Variants in SORCS3 observed in about 807,000 individuals in gnomAD.
The protein encoded by SORCS3 is VPS10 domain-containing receptor SorCS3.
SORCS3 carries 57 observed loss-of-function variants against 146.3 expected under a neutral mutation model. The observed-to-expected ratio is 0.39, with a 90% CI of 0.31 to 0.49. The LOEUF is 0.49. SORCS3 is among the 20% of genes least tolerant of loss of function. The probability of loss-of-function intolerance (pLI) is 0.92; values close to 1 mark genes in which losing one functional copy is unlikely to be tolerated. For synonymous variants in SORCS3, 653 were observed against 618.5 expected, an observed-to-expected ratio of 1.06 and a Z score of -0.83; for missense variants, 1,341 against 1,575.5, an observed-to-expected ratio of 0.85 and a Z score of 2.52.
chr10:104,739,732 T>G (rs953371483), intron 1 of SORCS3, among the ~76,000 whole-genome samples: 1 of 152,236 alleles, frequency 6.6e-6, no homozygotes, highest in African/African-American at 2.4e-5. Context: ...GTCACTGCTG[T>G]GCTTTTAGTG....
intron 3 of SORCS3, among the ~76,000 whole-genome samples, chr10:104,940,933 A>G (rs1340927430): frequency 6.6e-6 from 1 of 152,210 alleles, no homozygotes; most frequent in Admixed American, 6.5e-5. Context: ...TTGCCCAGTC[A>G]GTCCTAAGCC....
At chr10:105,048,291 C>G (rs2055387786) in intron 5 of SORCS3, among the ~76,000 whole-genome samples, 1 of 146,684 alleles carries the variant, frequency 6.8e-6, no homozygotes, top group African/African-American at 2.5e-5. Context: ...ACCCAAATGT[C>G]CAACAGGGAT....
intron 20 of SORCS3, among the ~76,000 whole-genome samples, chr10:105,237,597 T>C (rs1259943616): frequency 6.6e-6 from 1 of 152,130 alleles, no homozygotes; most frequent in Non-Finnish European, 1.5e-5. Context: ...ATGGCCATGG[T>C]CCCCAGTAGT....
intron 6 of SORCS3, among the ~76,000 whole-genome samples, chr10:105,096,962 A>G (rs1010488331): frequency 2.0e-5 from 3 of 152,230 alleles, no homozygotes; most frequent in Non-Finnish European, 4.4e-5. Flanking sequence ...TTTTCTATTT[A>G]CTTTTAAAAC....
intron 14 of SORCS3, among the ~76,000 whole-genome samples, chr10:105,189,905 C>A (rs2056505584): frequency 6.6e-6 from 1 of 152,220 alleles, no homozygotes; most frequent in South Asian, 2.1e-4. Flanking sequence ...CTACATAATT[C>A]TTCATGCAGT....
chr10:105,252,387 C>T (rs1263051128), intron 22 of SORCS3, among the ~76,000 whole-genome samples: 1 of 152,158 alleles, frequency 6.6e-6, no homozygotes, highest in African/African-American at 2.4e-5. Context: ...TGCATTTTCC[C>T]ATGTTGGTTT....
At chr10:105,194,149 G>A (rs1023434818) in intron 14 of SORCS3, among the ~76,000 whole-genome samples, 7 of 152,022 alleles carry the variant, frequency 4.6e-5, no homozygotes, top group Non-Finnish European at 7.4e-5. Flanking sequence ...CTGTTTCCAG[G>A]TGGTCATCTA....
At chr10:105,247,655 T>A (rs753558635) in intron 22 of SORCS3, among the ~76,000 whole-genome samples, 2 of 151,906 alleles carry the variant, frequency 1.3e-5, no homozygotes, top group Non-Finnish European at 2.9e-5. Flanking sequence ...GGCTGAGGCA[T>A]GAGAATTGCT....
At chr10:104,930,967 C>T (rs147273472) in intron 3 of SORCS3, among the ~76,000 whole-genome samples, 454 of 152,290 alleles carry the variant, frequency 3.0e-3, no homozygotes, top group Middle Eastern at 6.8e-3. Context: ...CTCTTGTCAT[C>T]ATTGTAATCT....
At chr10:105,214,986 T>C (rs1475766955) in intron 18 of SORCS3, among the ~76,000 whole-genome samples, 1 of 152,244 alleles carries the variant, frequency 6.6e-6, no homozygotes, top group Non-Finnish European at 1.5e-5. Context: ...TTTAGGAGCC[T>C]CTTTTGCTTT....
chr10:105,147,472 C>A, intron 8 of SORCS3, 145 bp from the exon 9 acceptor site: 1 of 595,808 alleles, frequency 1.7e-6, no homozygotes, highest in Non-Finnish European at 2.7e-6. Context: ...AATTTATAGC[C>A]TTGGTTCAAC....
chr10:105,059,382 CTG>C (rs1409157307), intron 5 of SORCS3, among the ~76,000 whole-genome samples: 3 of 152,150 alleles, frequency 2.0e-5, no homozygotes, highest in Non-Finnish European at 4.4e-5. Flanking sequence ...TGCTTCATAA[CTG>C]TAAAATGCTA....
intron 2 of SORCS3, among the ~76,000 whole-genome samples, chr10:104,880,238 T>C (rs1205559407): frequency 6.6e-6 from 1 of 152,170 alleles, no homozygotes. Flanking sequence ...AAAAGACCTT[T>C]AGGATTTAAC....
At chr10:104,826,059 C>T (rs924812655) in intron 1 of SORCS3, among the ~76,000 whole-genome samples, 5 of 152,128 alleles carry the variant, frequency 3.3e-5, no homozygotes, top group Non-Finnish European at 1.5e-5. Flanking sequence ...CCTTGGATCC[C>T]CTTGGAATAG....
At chr10:104,803,297 A>T (rs2017645043) in intron 1 of SORCS3, among the ~76,000 whole-genome samples, 1 of 152,148 alleles carries the variant, frequency 6.6e-6, no homozygotes, top group African/African-American at 2.4e-5. Context: ...AAGAGAGGGG[A>T]TGGGTGAGGG....
chr10:104,784,997 G>T (rs1381295319), intron 1 of SORCS3, among the ~76,000 whole-genome samples: 1 of 152,126 alleles, frequency 6.6e-6, no homozygotes, highest in Non-Finnish European at 1.5e-5. Flanking sequence ...CGGGCAGAGG[G>T]GCTCCTCACT....
intron 5 of SORCS3, among the ~76,000 whole-genome samples, chr10:105,084,957 C>T (rs1564750027): frequency 1.3e-5 from 2 of 152,060 alleles, no homozygotes; most frequent in African/African-American, 4.8e-5. Context: ...GTCTCGATCT[C>T]CTGACCTCGT....
chr10:105,180,784 T>C (rs2056438060), intron 14 of SORCS3, among the ~76,000 whole-genome samples: 1 of 152,142 alleles, frequency 6.6e-6, no homozygotes, highest in Admixed American at 6.6e-5. Context: ...TCTGCCAGAA[T>C]GGGCCTGCCT....
chr10:104,694,213 G>C (rs978072793), intron 1 of SORCS3, among the ~76,000 whole-genome samples: 1 of 150,982 alleles, frequency 6.6e-6, no homozygotes, highest in Non-Finnish European at 1.5e-5. Flanking sequence ...ATAAAATTCA[G>C]CCCAAGTTTT....
Sources: allele counts gnomAD v4.1 joint callset (sites outside exome capture counted in the v4.1 genomes callset), GRCh38; gene constraint gnomAD v4.1.1; transcripts MANE v1.5; gene names NCBI Gene and HGNC (gene_info 2026-07-23, HGNC 2026-07-21).